The following PRKAR2B variants were observed in gnomAD, a reference collection of about 807,000 sequenced individuals.
The protein encoded by PRKAR2B is cAMP-dependent protein kinase type II-beta regulatory subunit.
A neutral mutation model predicts 49.9 loss-of-function variants in PRKAR2B; 14 were observed. The ratio of observed to expected loss-of-function variants is 0.28; its 90% CI spans 0.19 to 0.44. The LOEUF is 0.44. PRKAR2B is among the 20% of genes least tolerant of loss of function. The pLI, the probability that PRKAR2B is intolerant of heterozygous loss-of-function variation, is 1.00. For missense variants in PRKAR2B, 393 were observed against 537.9 expected (o/e 0.73, Z 2.67); for synonymous variants, 196 against 197.7 (o/e 0.99, Z 0.07).
At chr7:107,150,788 G>A (rs1360140607) in intron 6 of PRKAR2B, 134 bp from the exon 7 acceptor site, 1 of 521,816 alleles carries the variant, frequency 1.9e-6, no homozygotes, top group Admixed American at 4.2e-5. Flanking sequence ...TATGAAATGA[G>A]TTGCATTAAA....
At chr7:107,069,409 C>G (rs893504077) in intron 1 of PRKAR2B, among the ~76,000 whole-genome samples, 36 of 152,246 alleles carry the variant, frequency 2.4e-4, no homozygotes, top group African/African-American at 8.2e-4. Flanking sequence ...ATAGTGTAAA[C>G]AAATTTCATA....
intron 4 of PRKAR2B, among the ~76,000 whole-genome samples, chr7:107,130,362 C>T (rs548865272): frequency 2.8e-4 from 43 of 151,762 alleles, no homozygotes; most frequent in African/African-American, 1.0e-3. Flanking sequence ...GTTAGCCGGG[C>T]GTGGTGGCGG....
chr7:107,128,448 G>A (rs79282770), intron 4 of PRKAR2B, among the ~76,000 whole-genome samples, 153 bp downstream of exon 4: 1 of 152,310 alleles, frequency 6.6e-6, no homozygotes, highest in African/African-American at 2.4e-5. Context: ...ATGCACAGTA[G>A]GTTGAACTGC....
intron 2 of PRKAR2B, among the ~76,000 whole-genome samples, chr7:107,116,063 T>C (rs1348691477): frequency 6.6e-6 from 1 of 152,244 alleles, no homozygotes; most frequent in Non-Finnish European, 1.5e-5. Flanking sequence ...TGTTTGTAAC[T>C]GTTGTGTAAG....
At chr7:107,112,005 A>C (rs1795182839) in intron 2 of PRKAR2B, among the ~76,000 whole-genome samples, 1 of 106,552 alleles carries the variant, frequency 9.4e-6, no homozygotes, top group African/African-American at 3.6e-5. Flanking sequence ...TCCTCTACCA[A>C]AAAAAAAAAA....
chr7:107,128,573 G>A (rs2115605090), intron 4 of PRKAR2B, among the ~76,000 whole-genome samples: 1 of 152,050 alleles, frequency 6.6e-6, no homozygotes, highest in East Asian at 1.9e-4. Flanking sequence ...GTTATCTCAG[G>A]GCTACAAAAA....
chr7:107,093,441 T>C (rs928502559), intron 2 of PRKAR2B, among the ~76,000 whole-genome samples: 20 of 152,216 alleles, frequency 1.3e-4, no homozygotes, highest in African/African-American at 4.8e-4. Flanking sequence ...CTGTGATTTT[T>C]ACTTGTCTTT....
chr7:107,141,027 C>T, intron 5 of PRKAR2B, 74 bp downstream of exon 5: 2 of 1,080,280 alleles, frequency 1.9e-6, no homozygotes, highest in Non-Finnish European at 2.8e-6. Context: ...ATTACGGCAA[C>T]TGACAGGTTA....
intron 4 of PRKAR2B, among the ~76,000 whole-genome samples, chr7:107,138,409 A>C (rs1190578812): frequency 6.6e-6 from 1 of 152,158 alleles, no homozygotes; most frequent in East Asian, 1.9e-4. Context: ...GCTCTAAAAA[A>C]TTCTATTTTA....
chr7:107,147,033 T>G (rs562366504), intron 6 of PRKAR2B, among the ~76,000 whole-genome samples: 2 of 151,092 alleles, frequency 1.3e-5, no homozygotes, highest in Admixed American at 6.6e-5. Context: ...GAAAAAATGC[T>G]TGGTGGCTGT....
intron 1 of PRKAR2B, among the ~76,000 whole-genome samples, chr7:107,047,775 A>G (rs926346018): frequency 1.3e-5 from 2 of 152,166 alleles, no homozygotes; most frequent in African/African-American, 2.4e-5. Flanking sequence ...ATCTCAAGGA[A>G]GTTTGATTCA....
At chr7:107,082,044 A>G (rs1794524898) in intron 2 of PRKAR2B, 1 of 145,250 alleles carries the variant, frequency 6.9e-6, no homozygotes, top group Admixed American at 6.7e-5. Flanking sequence ...TTTGAACAGC[A>G]GCTTACCAGA....
At chr7:107,066,735 A>AT (rs549278026) in intron 1 of PRKAR2B, 20 of 149,500 alleles carry the variant, frequency 1.3e-4, no homozygotes, top group Middle Eastern at 3.4e-3. Flanking sequence ...CGCCCGGCTA[A>AT]TTTTTTTTTT....
intron 7 of PRKAR2B, among the ~76,000 whole-genome samples, chr7:107,152,556 A>G (rs1351372925): frequency 6.6e-6 from 1 of 152,220 alleles, no homozygotes; most frequent in East Asian, 1.9e-4. Flanking sequence ...TCCATACTTC[A>G]TCATTAAATT....
At chr7:107,060,020 T>G (rs1793995161) in intron 1 of PRKAR2B, among the ~76,000 whole-genome samples, 1 of 150,476 alleles carries the variant, frequency 6.6e-6, no homozygotes, top group South Asian at 2.1e-4. Flanking sequence ...AACAAAGTCA[T>G]TCTAAATTTT....
intron 7 of PRKAR2B, among the ~76,000 whole-genome samples, chr7:107,152,730 T>G (rs6466160): frequency 1.3e-5 from 2 of 152,110 alleles, no homozygotes; most frequent in Non-Finnish European, 2.9e-5. Context: ...CTGGTAAAAA[T>G]TTTGTCCACA....
intron 10 of PRKAR2B, among the ~76,000 whole-genome samples, chr7:107,159,043 C>T (rs985468717): frequency 1.3e-5 from 2 of 152,186 alleles, no homozygotes; most frequent in Non-Finnish European, 2.9e-5. Context: ...CACAACATGG[C>T]ATTTTAAACC....
chr7:107,086,224 T>G (rs565358731), intron 2 of PRKAR2B, among the ~76,000 whole-genome samples: 1 of 152,184 alleles, frequency 6.6e-6, no homozygotes, highest in Non-Finnish European at 1.5e-5. Context: ...TGAGGTTCAA[T>G]GGCTTTGAGT....
intron 1 of PRKAR2B, among the ~76,000 whole-genome samples, chr7:107,060,468 CCT>C (rs1362674452): frequency 2.0e-5 from 3 of 152,140 alleles, no homozygotes; most frequent in Non-Finnish European, 4.4e-5. Flanking sequence ...AATTTGTTTT[CCT>C]CTTATTGCTA....
Sources: allele counts gnomAD v4.1 joint callset (sites outside exome capture counted in the v4.1 genomes callset), GRCh38; gene constraint gnomAD v4.1.1; transcripts MANE v1.5; gene names NCBI Gene and HGNC (gene_info 2026-07-23, HGNC 2026-07-21).